The following PDCL3 variants were observed in gnomAD, a reference collection of about 807,000 sequenced individuals.
The protein encoded by PDCL3 is phosducin like 3.
Under a neutral mutation model 26.5 loss-of-function variants are expected in PDCL3, and 22 were observed. The ratio of observed to expected loss-of-function variants is 0.83; its 90% confidence interval spans 0.59 to 1.19. PDCL3 has a LOEUF of 1.19. Ranked by LOEUF, PDCL3 falls within the 50% of genes most tolerant of loss-of-function variation. The probability of loss-of-function intolerance (pLI) is 0.00; values close to 1 mark genes in which losing one functional copy is unlikely to be tolerated. For synonymous variants in PDCL3, 81 were observed against 104.9 expected (o/e 0.77, Z 1.39); for missense variants, 246 against 294.1 (o/e 0.84, Z 1.20).
At chr2:100,576,280 G>A (rs1346980960) in intron 5 of PDCL3, 74 bp from the exon 6 acceptor site, 3 of 1,508,232 alleles carry the variant, frequency 2.0e-6, no homozygotes. Flanking sequence ...GAAAAAACTA[G>A]GTTGATGGAC....
At chr2:100,576,302 G>C in intron 5 of PDCL3, 52 bp from the exon 6 acceptor site, 1 of 1,570,434 alleles carries the variant, frequency 6.4e-7, no homozygotes, top group Non-Finnish European at 8.6e-7. Flanking sequence ...TAGGGCGAGG[G>C]AACCTTTGCA....
rs748916108 is a variant in PDCL3 at position 100,576,518 on chromosome 2, C to G, written c.*22C>G. ...CTGAGGCTACAGCTTCTATCACATG[C>G]CGAACTTTCTTGTGACAAATTGTCT... On this transcript the variant is annotated 3_prime_UTR_variant, in exon 6 of 6. Transcript: ENST00000264254. The G allele has an allele frequency of 6.5e-7, 1 of 1,532,296 alleles. No homozygotes were observed. The highest frequency in any genetic ancestry group is 1.3e-5 in the South Asian group (1 of 78,944). 94.9% of individuals were successfully genotyped at this position (1,532,296 alleles called of 1,614,324 possible).
intron 1 of PDCL3, 58 bp downstream of exon 1, chr2:100,563,131 G>C (rs113524222): frequency 1.3e-6 from 2 of 1,557,968 alleles, no homozygotes; most frequent in East Asian, 4.8e-5. Flanking sequence ...GTCTCGTTAG[G>C]CCCGGGCGGG....
In PDCL3 at chr2:100,570,703, C is replaced by G. The variant is rs182862312; in HGVS notation, c.369-887C>G. Among the ~76,000 whole-genome samples, 743 of 152,050 alleles carry G rather than the reference C, an allele frequency of 4.9e-3. 15 individuals carry two copies. Among genetic ancestry groups the G allele is most frequent in the African/African-American group, 0.017 (708 of 41,484 alleles). On this transcript the variant is annotated intron_variant, in intron 4 of 5. Transcript: ENST00000264254. ...ATCTTGGCCAGGCTGGTCTTGAACT[C>G]CTGACCTCATGATCCACTCATCTTG...
Position 100,568,966 on chromosome 2 carries a change from G to A in PDCL3, c.169G>A (p.Glu57Lys). 2 of 1,614,066 alleles carry A rather than the reference G, an allele frequency of 1.2e-6. No homozygotes were observed. The highest frequency in any genetic ancestry group is 1.7e-6 in the Non-Finnish European group (2 of 1,179,936). The change falls in exon 3 of 6, where the codon GAG (glutamate) becomes AAG (lysine). Residue 57 changes from glutamate to lysine, a missense_variant. By Grantham distance (56) the Glu-to-Lys change is moderately conservative (BLOSUM62 1). Transcript: ENST00000264254. Reference protein sequence around the residue: ...TYEDMTLEELEDHEDEFNEED... With the variant: ...TYEDMTLEELKDHEDEFNEED... Reference sequence around the variant, plus strand: ...TGAAGATATGACTTTGGAAGAGCTGGAGGATCATGAAGACGAGTTTAATGA... The same window carrying A: ...TGAAGATATGACTTTGGAAGAGCTGAAGGATCATGAAGACGAGTTTAATGA...
Position 100,571,745 on chromosome 2 carries a change from A to T in PDCL3, c.524A>T (p.Lys175Met). 1 of 1,614,124 alleles carries T rather than the reference A, an allele frequency of 6.2e-7. No individual in the cohort carries two copies. Residue 175 changes from lysine (K) to methionine (M), a missense_variant, in exon 5 of 6, where the codon AAG becomes ATG. Physicochemically the swap from Lys to Met is moderately conservative, Grantham distance 95. Coordinates refer to ENST00000264254, the MANE Select transcript of PDCL3 (RefSeq NM_024065.5). ...TTTGTTTACCTGGAAGGAGATATCA[A>T]GGCTCAGTTTATTGGTCCTCTGGTG... ...TIFVYLEGDI[K>M]AQFIGPLVFG...
rs1231848310 is a variant in PDCL3, at chr2:100,575,523, T to TTTGG, written c.578-830_578-829insTGGT. Among the ~76,000 whole-genome samples the TTTGG allele has an allele frequency of 2.4e-4, 36 of 152,334 alleles. No homozygotes were observed. In the South Asian group the frequency reaches 3.5e-3, roughly 15 times the overall value. On this transcript the variant is annotated intron_variant, in intron 5 of 5. Transcript: ENST00000264254. ...GCGAAGCCATTTGTTGTAGAATCTCTTACGTAGTCCTTTGGTTCTGCCTGG... is the reference window on the plus strand; with the variant it reads ...GCGAAGCCATTTGTTGTAGAATCTCTTTGGTACGTAGTCCTTTGGTTCTGCCTGG...
At chr2:100,574,052 G>A (rs959480149) in intron 5 of PDCL3, among the ~76,000 whole-genome samples, 3 of 152,104 alleles carry the variant, frequency 2.0e-5, no homozygotes, top group Non-Finnish European at 2.9e-5. Flanking sequence ...CACCCAGGCT[G>A]GAGTGCAGTA....
In PDCL3 at chr2:100,563,015, A is replaced by AGGGGCG. The variant is rs1553416981; in HGVS notation, c.-46_-41dup. The AGGGGCG allele has an allele frequency of 6.3e-7, 1 of 1,581,408 alleles. No homozygotes were observed. The highest frequency in any genetic ancestry group is 8.6e-7 in the Non-Finnish European group (1 of 1,164,560). ...TGTGCGCGTGCACAAAAGAGAGCTG[A>AGGGGCG]GGGGCGGGGGCGCTGCGGCACAGCT... On this transcript the variant is annotated 5_prime_UTR_variant, in exon 1 of 6. Coordinates refer to ENST00000264254, the MANE Select transcript of PDCL3 (RefSeq NM_024065.5).
At position 100,563,067 on chromosome 2, in the gene PDCL3, G is replaced by A. The variant is rs750438951; in HGVS notation, c.-1G>A. On this transcript the variant is annotated 5_prime_UTR_variant, in exon 1 of 6. Coordinates refer to ENST00000264254, the MANE Select transcript of PDCL3 (RefSeq NM_024065.5). ...GTTTGAGCAACTGAACTGGAAACAA[G>A]ATGCAGGTGAGCTAGGACGGGTCTC... 3.7e-6 allele frequency: 6 copies of A among 1,605,128 alleles called. No individual in the cohort carries two copies. Among genetic ancestry groups the A allele is most frequent in the Non-Finnish European group, 3.4e-6 (4 of 1,176,264 alleles).
At chr2:100,565,081 A>G (rs1196370261) in intron 1 of PDCL3, among the ~76,000 whole-genome samples, 1 of 152,176 alleles carries the variant, frequency 6.6e-6, no homozygotes, top group Non-Finnish European at 1.5e-5. Context: ...TGCATGCCGC[A>G]GGCCGCTCTG....
intron 2 of PDCL3, 102 bp downstream of exon 2, chr2:100,566,731 ACT>A (rs1265290786): frequency 6.6e-7 from 1 of 1,525,336 alleles, no homozygotes; most frequent in Non-Finnish European, 8.9e-7. Context: ...CAGCATGGAC[ACT>A]CTGTGTCTGT....
chr2:100,567,889 CTT>C (rs1191762720), intron 2 of PDCL3, among the ~76,000 whole-genome samples: 3 of 150,880 alleles, frequency 2.0e-5, no homozygotes, highest in African/African-American at 7.4e-5. Context: ...GTGGCGCAAT[CTT>C]GGCTCACTGC....
At chr2:100,571,113 A>AC (rs1329018294) in intron 4 of PDCL3, among the ~76,000 whole-genome samples, 1 of 83,150 alleles carries the variant, frequency 1.2e-5, no homozygotes, top group East Asian at 2.0e-3. Context: ...CCCTGTCTTT[A>AC]CAAAAAAAAA....
At chr2:100,572,778 C>T (rs573915382) in intron 5 of PDCL3, among the ~76,000 whole-genome samples, 1 of 152,092 alleles carries the variant, frequency 6.6e-6, no homozygotes, top group African/African-American at 2.4e-5. Flanking sequence ...CTCAGCCTCC[C>T]AAAGTGCTGG....
At chr2:100,570,800 G>A (rs1394433793) in intron 4 of PDCL3, among the ~76,000 whole-genome samples, 14 of 152,008 alleles carry the variant, frequency 9.2e-5, no homozygotes, top group East Asian at 1.9e-4. Flanking sequence ...AGCAGAAAAC[G>A]TTTTCTGACA....
At chr2:100,566,414 T>C in intron 1 of PDCL3, 89 bp from the exon 2 acceptor site, 1 of 1,472,986 alleles carries the variant, frequency 6.8e-7, no homozygotes, top group Non-Finnish European at 9.3e-7. Context: ...CCTCCCTTCC[T>C]GTCACTTTTC....
At chr2:100,563,250 G>C in intron 1 of PDCL3, 177 bp downstream of exon 1, 1 of 678,012 alleles carries the variant, frequency 1.5e-6, no homozygotes, top group Non-Finnish European at 2.3e-6. Context: ...GGTCCCACCA[G>C]GACCCACGGC....
chr2:100,564,585 C>T (rs539284771), intron 1 of PDCL3, among the ~76,000 whole-genome samples: 1 of 152,306 alleles, frequency 6.6e-6, no homozygotes, highest in Non-Finnish European at 1.5e-5. Flanking sequence ...CATGAGCCAC[C>T]GCGCCCGGCC....
Sources: allele counts gnomAD v4.1 joint callset (sites outside exome capture counted in the v4.1 genomes callset), GRCh38; gene constraint gnomAD v4.1.1; transcripts MANE v1.5; gene names NCBI Gene and HGNC (gene_info 2026-07-23, HGNC 2026-07-21).